GABRG1: variants seen among roughly 807,000 people sequenced by gnomAD.
GABRG1 encodes the protein gamma-aminobutyric acid type A receptor subunit gamma1.
GABRG1 carries 49 observed loss-of-function variants against 49.8 expected under a neutral mutation model. The ratio of observed to expected loss-of-function variants is 0.98; its 90% CI spans 0.78 to 1.25. GABRG1 has a LOEUF of 1.25. Ranked by LOEUF, GABRG1 falls within the 50% of genes most tolerant of loss-of-function variation. The pLI is 0.00. For missense variants in GABRG1, 552 were observed against 552.3 expected (o/e 1.00, Z 0.01); for synonymous variants, 232 against 185.1 (o/e 1.25, Z -2.06).
intron 7 of GABRG1, among the ~76,000 whole-genome samples, chr4:46,057,613 A>C (rs1487371276): frequency 3.9e-5 from 6 of 152,232 alleles, no homozygotes; most frequent in African/African-American, 1.4e-4. Flanking sequence ...TATTTTGTCA[A>C]GTATGAATCA....
intron 1 of GABRG1, among the ~76,000 whole-genome samples, chr4:46,113,842 G>A (rs1720793458): frequency 6.6e-6 from 1 of 150,942 alleles, no homozygotes; most frequent in African/African-American, 2.4e-5. Flanking sequence ...GGCCCTATCT[G>A]TGATCTGTTG....
At chr4:46,093,822 A>G (rs1720083378) in intron 2 of GABRG1, among the ~76,000 whole-genome samples, 1 of 152,036 alleles carries the variant, frequency 6.6e-6, no homozygotes, top group South Asian at 2.1e-4. Context: ...ATATGTATAA[A>G]GCAAAATCTT....
chr4:46,099,937 A>G (rs971207346), intron 1 of GABRG1, among the ~76,000 whole-genome samples: 8 of 151,892 alleles, frequency 5.3e-5, no homozygotes, highest in African/African-American at 1.4e-4. Flanking sequence ...TGAGCACACT[A>G]TAATATTGTT....
rs879337498 is a variant in GABRG1 at position 46,039,352 on chromosome 4, C to A, written c.*1636G>T. The A allele has an allele frequency of 1.3e-5, 2 of 151,014 alleles. No individual in the cohort carries two copies. The highest frequency in any genetic ancestry group is 3.0e-5 in the Non-Finnish European group (2 of 67,580). 9.4% of individuals were successfully genotyped at this position (151,014 alleles called of 1,614,324 possible). ...AAAAAAAAATAGAGTTAGCTGGGAA[C>A]ACACAGTAAATTATAAATAAATTAA... is the stretch of plus-strand genomic sequence containing the variant. On this transcript the variant is annotated 3_prime_UTR_variant, in exon 9 of 9. Coordinates refer to ENST00000295452, the MANE Select transcript of GABRG1 (RefSeq NM_173536.4).
At chr4:46,096,046 A>C (rs1720154364) in intron 2 of GABRG1, among the ~76,000 whole-genome samples, 1 of 151,748 alleles carries the variant, frequency 6.6e-6, no homozygotes, top group African/African-American at 2.4e-5. Context: ...CCCGCTTATA[A>C]GTGAGAATGG....
At chr4:46,041,447 A>G (rs1184565323) in intron 8 of GABRG1, among the ~76,000 whole-genome samples, 193 bp from the exon 9 acceptor site, 1 of 151,958 alleles carries the variant, frequency 6.6e-6, no homozygotes, top group Non-Finnish European at 1.5e-5. Flanking sequence ...GTTACATTCT[A>G]TTAAGCAGAA....
At chr4:46,089,480 C>T (rs1423809621) in intron 2 of GABRG1, among the ~76,000 whole-genome samples, 3 of 152,034 alleles carry the variant, frequency 2.0e-5, no homozygotes, top group Non-Finnish European at 4.4e-5. Context: ...AATAAAACAA[C>T]AAGCCACACT....
rs540660623 is a variant in GABRG1, at chr4:46,065,619, AGC to A, written c.322-37_322-36del. ...AAGAAGAGTAACAACATATTAGTAAAGCTACTATTTTAGTTGTTTTTCTCGAA... is the reference window on the plus strand; with the variant it reads ...AAGAAGAGTAACAACATATTAGTAAATACTATTTTAGTTGTTTTTCTCGAA... On this transcript the variant is annotated intron_variant, in intron 3 of 8. Coordinates refer to ENST00000295452, the MANE Select transcript of GABRG1 (RefSeq NM_173536.4). 2.5e-4 allele frequency: 238 copies of A among 947,444 alleles called. No individual in the cohort carries two copies. In the African/African-American group the frequency reaches 3.7e-3, roughly 15 times the overall value. 58.7% of individuals were successfully genotyped at this position (947,444 alleles called of 1,614,324 possible). A position where few individuals can be genotyped will look rare whatever the true frequency, so the allele number is the denominator to read the frequency against.
At position 46,058,328 on chromosome 4, in the gene GABRG1, T is replaced by C. The variant is rs1673347151; in HGVS notation, c.805A>G (p.Arg269Gly). ...GTCTGAATAGTGAAATATCCCATTC[T>C]TCTGCTCAGGTCAAAAAAAATTGTC... ...IMTIFFDLSR[R>G]MGYFTIQTYI... Residue 269 changes from arginine to glycine, a missense_variant, in exon 7 of 9, where the codon AGA becomes GGA. By Grantham distance (125) the Arg-to-Gly change is moderately radical. Transcript: ENST00000295452. The C allele has an allele frequency of 6.2e-7, 1 of 1,612,858 alleles. No homozygotes were observed. The highest frequency in any genetic ancestry group is 1.1e-5 in the South Asian group (1 of 90,870).
intron 2 of GABRG1, among the ~76,000 whole-genome samples, chr4:46,087,891 G>A (rs1455813339): frequency 6.6e-6 from 1 of 151,938 alleles, no homozygotes. Flanking sequence ...GGTACATAGG[G>A]ATAAGTAGAT....
At chr4:46,107,871 G>A (rs1720602485) in intron 1 of GABRG1, among the ~76,000 whole-genome samples, 1 of 150,864 alleles carries the variant, frequency 6.6e-6, no homozygotes, top group Non-Finnish European at 1.5e-5. Flanking sequence ...TCTACAAGTG[G>A]TGACATAACG....
intron 7 of GABRG1, among the ~76,000 whole-genome samples, chr4:46,051,848 C>G (rs191098839): frequency 6.6e-6 from 1 of 151,800 alleles, no homozygotes; most frequent in African/African-American, 2.4e-5. Flanking sequence ...TAAATTACTG[C>G]GGAGTGCAAG....
chr4:46,085,675 A>T (rs1719728940), intron 2 of GABRG1, among the ~76,000 whole-genome samples: 1 of 151,466 alleles, frequency 6.6e-6, no homozygotes, highest in Non-Finnish European at 1.5e-5. Context: ...TTTAAAATAT[A>T]ATTAAGAAAA....
At position 46,090,937 on chromosome 4, in the gene GABRG1, CACACACACACACACACAT is replaced by C. The variant is rs1435665827; in HGVS notation, c.253+6246_253+6263del. ...ACAGCTAGGACTTCCCTGGAATACACACACACACACACACACATACACACACACACACACACACACACA... is the reference window on the plus strand; with the variant it reads ...ACAGCTAGGACTTCCCTGGAATACACACACACACACACACACACACACACA... On this transcript the variant is annotated intron_variant, in intron 2 of 8. Coordinates refer to ENST00000295452, the MANE Select transcript of GABRG1 (RefSeq NM_173536.4). Among the ~76,000 whole-genome samples the C allele has an allele frequency of 1.1e-3, 147 of 137,002 alleles. 2 individuals are homozygous for C. Among genetic ancestry groups the C allele is most frequent in the African/African-American group, 4.2e-3 (142 of 33,706 alleles). The allele number at this position is 137,002 out of a possible 152,430, so 89.9% of individuals were successfully genotyped here.
chr4:46,056,869 A>C (rs1718470783), intron 7 of GABRG1, among the ~76,000 whole-genome samples: 1 of 152,088 alleles, frequency 6.6e-6, no homozygotes, highest in Non-Finnish European at 1.5e-5. Context: ...GCTTACCTTT[A>C]TGATTGATAT....
intron 3 of GABRG1, among the ~76,000 whole-genome samples, chr4:46,079,871 C>T (rs546294165): frequency 4.6e-5 from 7 of 151,850 alleles, no homozygotes; most frequent in African/African-American, 1.4e-4. Context: ...TGAAAAGTTA[C>T]GAGGTTATAA....
chr4:46,050,725 G>A (rs1718182270), intron 8 of GABRG1, among the ~76,000 whole-genome samples: 1 of 151,828 alleles, frequency 6.6e-6, no homozygotes, highest in South Asian at 2.1e-4. Flanking sequence ...TACTGAGGCT[G>A]TTCTTGTGTA....
intron 7 of GABRG1, among the ~76,000 whole-genome samples, chr4:46,054,998 C>T (rs184001928): frequency 1.1e-5 from 1 of 94,946 alleles, no homozygotes; most frequent in East Asian, 2.6e-4. Context: ...TCATAAAAAC[C>T]CTAGAAGAAA....
rs116100191 is a variant in GABRG1 at position 46,081,056 on chromosome 4, C to A, written c.321+2930G>T. ...AAAAGATTTGTTGAAACTTTCTCTT[C>A]CCTTGGTTTCCACGTCATTGTTTTG... On this transcript the variant is annotated intron_variant, in intron 3 of 8. Coordinates refer to ENST00000295452, the MANE Select transcript of GABRG1 (RefSeq NM_173536.4). 3.5e-3 allele frequency among the ~76,000 whole-genome samples: 538 copies of A among 151,940 alleles called. 2 individuals are homozygous for A. Among genetic ancestry groups the A allele is most frequent in the Non-Finnish European group, 5.7e-3 (387 of 67,886 alleles).
Sources: allele counts gnomAD v4.1 joint callset (sites outside exome capture counted in the v4.1 genomes callset), GRCh38; gene constraint gnomAD v4.1.1; transcripts MANE v1.5; gene names NCBI Gene and HGNC (gene_info 2026-07-23, HGNC 2026-07-21).